The following HTR7 variants were observed in gnomAD, a reference collection of about 807,000 sequenced individuals.
HTR7 encodes 5-hydroxytryptamine receptor 7.
In HTR7, 16 loss-of-function variants were observed where a neutral mutation model predicts 34.0. The observed-to-expected ratio is 0.47, with a 90% CI of 0.32 to 0.71. The LOEUF is 0.71. Ranked by LOEUF, HTR7 falls within the 30% of genes least tolerant of loss-of-function variation. The pLI is 0.04. For synonymous variants in HTR7, 265 were observed against 260.2 expected, an observed-to-expected ratio of 1.02 and a Z score of -0.18; for missense variants, 504 against 625.5, an observed-to-expected ratio of 0.81 and a Z score of 2.07.
In HTR7 at chr10:90,761,768, AG is replaced by A. The variant is rs1844941175; in HGVS notation, c.540-12175del. Among the ~76,000 whole-genome samples, 4 of 152,162 alleles carry A rather than the reference AG, an allele frequency of 2.6e-5. No individual in the cohort carries two copies. The South Asian group carries it at 8.3e-4, about 32-fold the overall frequency. ...TCCCATACCTTATCCTACAACTAAA[AG>A]TTTGGACCAACATATCCCCATTTCC... is the stretch of plus-strand genomic sequence containing the variant. On this transcript the variant is annotated intron_variant, in intron 1 of 3. Coordinates refer to ENST00000336152, the MANE Select transcript of HTR7 (RefSeq NM_019859.4).
At chr10:90,772,236 T>A (rs529476863) in intron 1 of HTR7, among the ~76,000 whole-genome samples, 2 of 152,320 alleles carry the variant, frequency 1.3e-5, no homozygotes, top group East Asian at 3.9e-4. Flanking sequence ...TTTATTATCA[T>A]CTTTCATTCT....
At chr10:90,856,614 G>A (rs1016781959) in intron 1 of HTR7, among the ~76,000 whole-genome samples, 5 of 152,196 alleles carry the variant, frequency 3.3e-5, no homozygotes, top group African/African-American at 9.7e-5. Context: ...GCAAGAATGC[G>A]ATTCCGAACT....
chr10:90,793,316 G>A (rs1438633817), intron 1 of HTR7, among the ~76,000 whole-genome samples: 1 of 151,758 alleles, frequency 6.6e-6, no homozygotes, highest in African/African-American at 2.4e-5. Context: ...AGGGTAGAGA[G>A]GTGAAAATCA....
chr10:90,743,896 T>G, intron 2 of HTR7: 1 of 686,990 alleles, frequency 1.5e-6, no homozygotes, highest in East Asian at 2.9e-5. Context: ...TTCACTTCAT[T>G]ACCCCAGGGA....
chr10:90,780,006 C>T (rs536900836), intron 1 of HTR7, among the ~76,000 whole-genome samples: 50 of 152,294 alleles, frequency 3.3e-4, no homozygotes, highest in African/African-American at 1.1e-3. Flanking sequence ...CTGTCCATAT[C>T]ATTGCACTGG....
rs190311153 is a variant in HTR7 at position 90,792,843 on chromosome 10, C to A, written c.540-43249G>T. Among the ~76,000 whole-genome samples the A allele has an allele frequency of 2.0e-3, 299 of 152,114 alleles. 1 individual carries two copies. The highest frequency in any genetic ancestry group is 3.9e-3 in the Admixed American group (59 of 15,272). ...TGGTGCTGAGAAAACCATATATCCA[C>A]ATGCAAAAGAATACAGTTGGAGCCT... On this transcript the variant is annotated intron_variant, in intron 1 of 3. Coordinates refer to ENST00000336152, the MANE Select transcript of HTR7 (RefSeq NM_019859.4).
chr10:90,810,385 T>A (rs1287478234), intron 1 of HTR7, among the ~76,000 whole-genome samples: 1 of 152,130 alleles, frequency 6.6e-6, no homozygotes, highest in Non-Finnish European at 1.5e-5. Flanking sequence ...CATTAAAATC[T>A]AATCACCCTT....
chr10:90,840,226 C>A (rs9419730), intron 1 of HTR7, among the ~76,000 whole-genome samples: 21,191 of 149,916 alleles, frequency 0.14, 1,827 homozygotes, highest in East Asian at 0.2. Flanking sequence ...TCTGGCCTCT[C>A]TGTTAGAGCT....
intron 1 of HTR7, among the ~76,000 whole-genome samples, chr10:90,819,265 C>T (rs1306344809): frequency 6.6e-6 from 1 of 152,070 alleles, no homozygotes; most frequent in Non-Finnish European, 1.5e-5. Context: ...TTATCTATAC[C>T]CACTTACCCT....
In HTR7 at chr10:90,854,397, C is replaced by CA. The variant is rs1302370565; in HGVS notation, c.539+2735dup. Among the ~76,000 whole-genome samples the CA allele has an allele frequency of 6.6e-5, 10 of 152,098 alleles. No homozygotes were observed. In the East Asian group the frequency reaches 1.9e-3, roughly 29 times the overall value. On this transcript the variant is annotated intron_variant, in intron 1 of 3. Transcript: ENST00000336152. ...CAAAAAAACAACAAAACAATAACAACAAAAAAGACCATCCATGAAGAAACA... is the reference window on the plus strand; with the variant it reads ...CAAAAAAACAACAAAACAATAACAACAAAAAAAGACCATCCATGAAGAAACA...
At chr10:90,804,928 T>G (rs981382687) in intron 1 of HTR7, among the ~76,000 whole-genome samples, 1 of 152,258 alleles carries the variant, frequency 6.6e-6, no homozygotes, top group East Asian at 1.9e-4. Context: ...GGGGAAAACA[T>G]AAAAGTTGAC....
At chr10:90,811,694 C>G (rs1011556093) in intron 1 of HTR7, among the ~76,000 whole-genome samples, 3 of 152,206 alleles carry the variant, frequency 2.0e-5, no homozygotes, top group South Asian at 2.1e-4. Flanking sequence ...CCCTACACAT[C>G]AAGTTCAGGG....
chr10:90,748,776 G>A, intron 2 of HTR7, 63 bp downstream of exon 2: 1 of 1,491,008 alleles, frequency 6.7e-7, no homozygotes, highest in Non-Finnish European at 9.0e-7. Context: ...TCTGTGATGT[G>A]CCTCAAAAAG....
chr10:90,759,661 C>CAA (rs60718814), intron 1 of HTR7, among the ~76,000 whole-genome samples: 186 of 69,012 alleles, frequency 2.7e-3, no homozygotes, highest in Middle Eastern at 8.8e-3. Context: ...GACTCTGTCT[C>CAA]AAAAAAAAAA....
chr10:90,831,357 TTGGCGG>T, intron 1 of HTR7, among the ~76,000 whole-genome samples: 1 of 151,962 alleles, frequency 6.6e-6, no homozygotes, highest in African/African-American at 2.4e-5. Context: ...GCTGCAGACC[TTGGCGG>T]TGAGTGTTAC....
chr10:90,839,627 C>T (rs549041871), intron 1 of HTR7, among the ~76,000 whole-genome samples: 5 of 152,148 alleles, frequency 3.3e-5, no homozygotes, highest in Admixed American at 2.0e-4. Context: ...AACAGATGCA[C>T]TAGAGATAGT....
chr10:90,769,042 CA>C (rs1238416113), intron 1 of HTR7, among the ~76,000 whole-genome samples: 2 of 151,894 alleles, frequency 1.3e-5, no homozygotes, highest in Non-Finnish European at 2.9e-5. Flanking sequence ...CACTACGTTC[CA>C]AAAAAAATCC....
At chr10:90,825,091 C>T (rs1389479153) in intron 1 of HTR7, among the ~76,000 whole-genome samples, 3 of 152,222 alleles carry the variant, frequency 2.0e-5, no homozygotes, top group Non-Finnish European at 4.4e-5. Context: ...CTTATATAAC[C>T]CCTTTCCCAG....
chr10:90,743,152 T>C (rs1844580476), intron 3 of HTR7, among the ~76,000 whole-genome samples: 1 of 152,174 alleles, frequency 6.6e-6, no homozygotes, highest in Admixed American at 6.5e-5. Context: ...ACCCAGAGAC[T>C]GGGACTGTGC....
Sources: gnomAD v4.1 joint callset for allele counts (sites outside exome capture counted in the v4.1 genomes callset) on GRCh38, gnomAD v4.1.1 for gene constraint, MANE v1.5 for transcripts, NCBI Gene and HGNC (gene_info 2026-07-23, HGNC 2026-07-21) for gene names.